The following AGAP1 variants were observed in gnomAD, a reference collection of about 807,000 sequenced individuals.
The protein encoded by AGAP1 is ArfGAP with GTPase domain, ankyrin repeat and PH domain 1, also known as arf-GAP with GTPase, ANK repeat and PH domain-containing protein 1.
A neutral mutation model predicts 105.3 loss-of-function variants in AGAP1; 29 were observed. That is an observed-to-expected ratio of 0.28 (90% CI 0.21 to 0.38). The LOEUF (loss-of-function observed/expected upper bound fraction) is 0.38, where lower values mean the gene tolerates loss of function less well. Among genes scored for constraint, AGAP1 ranks in the 10% least tolerant of loss-of-function variants. The pLI is 1.00. For missense variants in AGAP1, 998 were observed against 1,165.1 expected (o/e 0.86, Z 2.09); for synonymous variants, 509 against 485.9 (o/e 1.05, Z -0.63).
chr2:235,634,402 C>T (rs1559303295), intron 1 of AGAP1, among the ~76,000 whole-genome samples: 1 of 152,184 alleles, frequency 6.6e-6, no homozygotes, highest in Admixed American at 6.5e-5. Flanking sequence ...GCTGAGACTT[C>T]GGAAGGTTCC....
At position 235,642,290 on chromosome 2, in the gene AGAP1, T is replaced by C. The variant is rs1321290546; in HGVS notation, c.164-66889T>C. ...TGGGGGCATTCAGTGGGGGAGGATT[T>C]ACAAAGAAACTTGAGGTGAGGGGCC... On this transcript the variant is annotated intron_variant, in intron 1 of 17. Coordinates refer to ENST00000304032, the MANE Select transcript of AGAP1 (RefSeq NM_001037131.3). The surrounding 1 kb of genome is among the most constrained non-coding windows in gnomAD (Gnocchi z 4.1). Among the ~76,000 whole-genome samples, 1 of 152,164 alleles carries C rather than the reference T, an allele frequency of 6.6e-6. No individual in the cohort carries two copies.
At position 235,976,716 on chromosome 2, in the gene AGAP1, G is replaced by A. The variant is rs1362422660; in HGVS notation, c.1645+8093G>A. ...CCAGTGGAGAAAGCAGAAACACGCCGGGGAACTTGGTTATGCAGGAGCACA... is the reference window on the plus strand; with the variant it reads ...CCAGTGGAGAAAGCAGAAACACGCCAGGGAACTTGGTTATGCAGGAGCACA... On this transcript the variant is annotated intron_variant, in intron 13 of 17. Transcript: ENST00000304032. The surrounding 1 kb of genome is among the most constrained non-coding windows in gnomAD (Gnocchi z 4.5). Among the ~76,000 whole-genome samples the A allele has an allele frequency of 1.3e-5, 2 of 152,132 alleles. No homozygotes were observed. Among genetic ancestry groups the A allele is most frequent in the African/African-American group, 4.8e-5 (2 of 41,430 alleles).
Position 236,040,648 on chromosome 2 carries a change from T to A in AGAP1, c.1801-103T>A, listed in dbSNP as rs2125679200. 1.0e-6 allele frequency: 1 copy of A among 983,830 alleles called. No individual in the cohort carries two copies. The highest frequency in any genetic ancestry group is 3.0e-5 in the East Asian group (1 of 33,634). 60.9% of individuals were successfully genotyped at this position (983,830 alleles called of 1,614,324 possible). ...GATTGTTTAGAAATTACCCTCGTCCTACATTTGCTCCCAATCTGTTTGATC... is the reference window on the plus strand; with the variant it reads ...GATTGTTTAGAAATTACCCTCGTCCAACATTTGCTCCCAATCTGTTTGATC... On this transcript the variant is annotated intron_variant, in intron 14 of 17. Transcript: ENST00000304032. The surrounding 1 kb of genome is among the most constrained non-coding windows in gnomAD (Gnocchi z 5.6).
At chr2:236,064,479 C>CCAGCTACT (rs1261359196) in intron 16 of AGAP1, among the ~76,000 whole-genome samples, 1 of 152,142 alleles carries the variant, frequency 6.6e-6, no homozygotes, top group African/African-American at 2.4e-5. Context: ...ATCTGTAATC[C>CCAGCTACT]CAGCTACTCA....
chr2:235,498,164 A>G (rs374423179), intron 1 of AGAP1, among the ~76,000 whole-genome samples: 5 of 152,214 alleles, frequency 3.3e-5, no homozygotes, highest in Non-Finnish European at 7.3e-5. Flanking sequence ...CAAGGCTCCC[A>G]AATAAAAACA....
rs1398167204 is a variant in AGAP1 at position 235,705,829 on chromosome 2, A to G, written c.164-3350A>G. Among the ~76,000 whole-genome samples, 3 of 152,202 alleles carry G rather than the reference A, an allele frequency of 2.0e-5. No homozygotes were observed. The highest frequency in any genetic ancestry group is 2.1e-4 in the South Asian group (1 of 4,820). On this transcript the variant is annotated intron_variant, in intron 1 of 17. Coordinates refer to ENST00000304032, the MANE Select transcript of AGAP1 (RefSeq NM_001037131.3). This position sits in a 1 kb window ranked among gnomAD's most constrained non-coding sequence, Gnocchi z 4.9. Reference sequence around the variant, plus strand: ...TAAAAAGATGCTTCACATTGTTCCAATGTTTATATAATCATGCATCTTTGT... The same window carrying G: ...TAAAAAGATGCTTCACATTGTTCCAGTGTTTATATAATCATGCATCTTTGT...
intron 1 of AGAP1, among the ~76,000 whole-genome samples, chr2:235,575,494 T>C (rs1052852478): frequency 5.3e-5 from 8 of 152,228 alleles, no homozygotes; most frequent in Non-Finnish European, 1.2e-4. Flanking sequence ...ACTGGAAGGC[T>C]TTCTCCTTTA....
intron 10 of AGAP1, among the ~76,000 whole-genome samples, chr2:235,885,499 T>A (rs2050234368): frequency 6.6e-6 from 1 of 152,138 alleles, no homozygotes; most frequent in Non-Finnish European, 1.5e-5. Context: ...CGTTGAAGAG[T>A]CGCATGTGCT....
intron 1 of AGAP1, among the ~76,000 whole-genome samples, chr2:235,603,054 C>T (rs1007323556): frequency 1.3e-5 from 2 of 152,164 alleles, no homozygotes; most frequent in African/African-American, 2.4e-5. Flanking sequence ...ACCCAAATCT[C>T]ATCTTGAATT....
At chr2:235,880,016 G>C (rs2049930843) in intron 9 of AGAP1, among the ~76,000 whole-genome samples, 1 of 151,020 alleles carries the variant, frequency 6.6e-6, no homozygotes, top group African/African-American at 2.4e-5. Flanking sequence ...GGAGGAAGGA[G>C]GGAGGATCAC....
intron 3 of AGAP1, among the ~76,000 whole-genome samples, chr2:235,738,563 CT>C (rs749327124): frequency 1.3e-3 from 188 of 143,788 alleles, no homozygotes; most frequent in South Asian, 1.8e-3. Context: ...TTCTTTCTTT[CT>C]TTTTTTTTTT....
rs544567166 is a variant in AGAP1, at chr2:235,732,956, C to T, written c.311-8007C>T. Among the ~76,000 whole-genome samples, 7 of 152,172 alleles carry T rather than the reference C, an allele frequency of 4.6e-5. No individual in the cohort carries two copies. The highest frequency in any genetic ancestry group is 7.2e-5 in the African/African-American group (3 of 41,448). On this transcript the variant is annotated intron_variant, in intron 3 of 17. Coordinates refer to ENST00000304032, the MANE Select transcript of AGAP1 (RefSeq NM_001037131.3). This position sits in a 1 kb window ranked among gnomAD's most constrained non-coding sequence, Gnocchi z 4.8. ...GGCATCTTTCGAGTCTCACTGCCCA[C>T]GCTGTGGGAGCTGAGACTGGATGCT...
At chr2:235,939,216 T>G (rs1049869304) in intron 12 of AGAP1, among the ~76,000 whole-genome samples, 1 of 152,096 alleles carries the variant, frequency 6.6e-6, no homozygotes, top group Admixed American at 6.5e-5. Flanking sequence ...ATCTCTGCCT[T>G]CCTCTCCCTT....
chr2:235,509,304 G>C (rs772197106), intron 1 of AGAP1, among the ~76,000 whole-genome samples: 23 of 152,114 alleles, frequency 1.5e-4, no homozygotes, highest in Non-Finnish European at 2.9e-4. Context: ...TCTGCTCACT[G>C]TAACCTCTGC....
chr2:235,950,286 A>G (rs1488928801), intron 12 of AGAP1, among the ~76,000 whole-genome samples: 1 of 152,228 alleles, frequency 6.6e-6, no homozygotes, highest in African/African-American at 2.4e-5. Flanking sequence ...GCCCAGCACA[A>G]GGACTTGGGC....
At chr2:236,065,402 G>T (rs2058319723) in intron 16 of AGAP1, among the ~76,000 whole-genome samples, 1 of 152,172 alleles carries the variant, frequency 6.6e-6, no homozygotes, top group Non-Finnish European at 1.5e-5. Context: ...CTCGCCCCGT[G>T]GGCGGTTTTC....
rs1476851082 is a variant in AGAP1, at chr2:235,732,383, C to T, written c.311-8580C>T. On this transcript the variant is annotated intron_variant, in intron 3 of 17. Transcript: ENST00000304032. The surrounding 1 kb of genome is among the most constrained non-coding windows in gnomAD (Gnocchi z 4.8). ...ATTTTATTCATCAGTTCCCCAAATG[C>T]CGTTTTGATCCTCAGATCTGGACGT... 6.6e-6 allele frequency among the ~76,000 whole-genome samples: 1 copy of T among 152,172 alleles called. No homozygotes were observed. Among genetic ancestry groups the T allele is most frequent in the Non-Finnish European group, 1.5e-5 (1 of 68,030 alleles).
At chr2:235,636,928 A>G (rs1221725718) in intron 1 of AGAP1, among the ~76,000 whole-genome samples, 1 of 152,166 alleles carries the variant, frequency 6.6e-6, no homozygotes, top group African/African-American at 2.4e-5. Flanking sequence ...GCCAAAAAGA[A>G]TGCCAAGGAT....
chr2:235,996,391 G>A (rs920521073), intron 13 of AGAP1, among the ~76,000 whole-genome samples: 5 of 152,130 alleles, frequency 3.3e-5, no homozygotes, highest in Admixed American at 2.0e-4. Context: ...TTTAACTTAC[G>A]CTCTGACACA....
Sources: gnomAD v4.1 joint callset for allele counts (sites outside exome capture counted in the v4.1 genomes callset) on GRCh38, gnomAD v4.1.1 for gene constraint, Gnocchi (gnomAD v3.1) non-coding constraint, MANE v1.5 for transcripts, NCBI Gene and HGNC (gene_info 2026-07-23, HGNC 2026-07-21) for gene names.